The following NME7 variants were observed in gnomAD, a reference collection of about 807,000 sequenced individuals.
NME7 encodes the protein NME/NM23 family member 7, also known as nucleoside diphosphate kinase 7.
In NME7, 41 loss-of-function variants were observed where a neutral mutation model predicts 49.1. The ratio of observed to expected loss-of-function variants is 0.83; its 90% CI spans 0.65 to 1.08. NME7 has a LOEUF of 1.08. Among genes scored for constraint, NME7 ranks in the 50% least tolerant of loss-of-function variants. The pLI, the probability that NME7 is intolerant of heterozygous loss-of-function variation, is 0.00. For missense variants in NME7, 423 were observed against 463.4 expected (o/e 0.91, Z 0.80); for synonymous variants, 139 against 150.6 (o/e 0.92, Z 0.56).
chr1:169,142,396 A>C (rs956919212), intron 11 of NME7, among the ~76,000 whole-genome samples: 1 of 152,218 alleles, frequency 6.6e-6, no homozygotes, highest in Non-Finnish European at 1.5e-5. Context: ...TAATTTCTCC[A>C]TTTCTAGTCT....
chr1:169,232,893 C>T (rs1647693017), intron 9 of NME7, among the ~76,000 whole-genome samples: 12 of 135,330 alleles, frequency 8.9e-5, no homozygotes, highest in Admixed American at 1.5e-4. Context: ...CTTTTTTTTC[C>T]TTTCTGTTGT....
intron 8 of NME7, among the ~76,000 whole-genome samples, chr1:169,236,158 A>C (rs1647851722): frequency 6.6e-6 from 1 of 152,164 alleles, no homozygotes; most frequent in African/African-American, 2.4e-5. Flanking sequence ...TGTTTTGCTA[A>C]ATGCAACAAA....
chr1:169,136,852 T>A (rs1457321813), intron 11 of NME7, among the ~76,000 whole-genome samples: 1 of 152,252 alleles, frequency 6.6e-6, no homozygotes, highest in East Asian at 1.9e-4. Context: ...TTCATTAGTG[T>A]ATCAGACACT....
In NME7 at chr1:169,256,045, G is replaced by T. The variant is rs1648916384; in HGVS notation, c.755-18358C>A. Among the ~76,000 whole-genome samples, 2 of 132,334 alleles carry T rather than the reference G, an allele frequency of 1.5e-5. 1 individual carries two copies. Among genetic ancestry groups the T allele is most frequent in the Non-Finnish European group, 3.5e-5 (2 of 56,546 alleles). The allele number at this position is 132,334 out of a possible 152,430, so 86.8% of individuals were successfully genotyped here. Reference sequence around the variant, plus strand: ...GTGAATCTGACCATTATGTGTCTTGGAGTTGCTCTTCTCGAGGAGTATCTT... The same window carrying T: ...GTGAATCTGACCATTATGTGTCTTGTAGTTGCTCTTCTCGAGGAGTATCTT... On this transcript the variant is annotated intron_variant, in intron 7 of 11. Transcript: ENST00000367811.
At chr1:169,221,766 T>G (rs1230145732) in intron 10 of NME7, among the ~76,000 whole-genome samples, 1 of 151,832 alleles carries the variant, frequency 6.6e-6, no homozygotes, top group Non-Finnish European at 1.5e-5. Context: ...ACTCTGTCAG[T>G]CAGGCTGGAG....
chr1:169,158,609 TA>T (rs199883187), intron 11 of NME7, among the ~76,000 whole-genome samples: 2 of 151,820 alleles, frequency 1.3e-5, no homozygotes, highest in African/African-American at 2.4e-5. Flanking sequence ...CTTACATAGT[TA>T]AAAAAAACTC....
At chr1:169,170,563 T>C (rs1659554394) in intron 10 of NME7, among the ~76,000 whole-genome samples, 1 of 152,232 alleles carries the variant, frequency 6.6e-6, no homozygotes, top group African/African-American at 2.4e-5. Flanking sequence ...TTTTATTTCA[T>C]ATTTATTACT....
At chr1:169,311,643 C>A (rs1033906409) in intron 3 of NME7, among the ~76,000 whole-genome samples, 2 of 151,994 alleles carry the variant, frequency 1.3e-5, no homozygotes, top group African/African-American at 4.8e-5. Flanking sequence ...CTTTTTAATT[C>A]ATATTATTTA....
At position 169,132,802 on chromosome 1, in the gene NME7, TGAA is replaced by T. The variant is rs777210651; in HGVS notation, c.1111_1113del (p.Phe371del). On this transcript the variant is annotated inframe_deletion, in exon 12 of 12. Transcript: ENST00000367811. ...CCACACCACTAATTATCCAAGATCTTGAAGAAGTATTGAACCTGAAACGGAGAA... is the reference window on the plus strand; with the variant it reads ...CCACACCACTAATTATCCAAGATCTTGAAGTATTGAACCTGAAACGGAGAA... The T allele has an allele frequency of 3.1e-6, 5 of 1,613,410 alleles. No individual in the cohort carries two copies. Among genetic ancestry groups the T allele is most frequent in the Non-Finnish European group, 4.2e-6 (5 of 1,179,730 alleles).
chr1:169,305,623 A>G (rs1469244340), intron 4 of NME7, among the ~76,000 whole-genome samples: 1 of 152,168 alleles, frequency 6.6e-6, no homozygotes, highest in Non-Finnish European at 1.5e-5. Context: ...GGGATAAGGT[A>G]AAGCCTCTCT....
chr1:169,163,161 T>C (rs1456132975), intron 11 of NME7, among the ~76,000 whole-genome samples: 2 of 152,154 alleles, frequency 1.3e-5, no homozygotes, highest in Admixed American at 1.3e-4. Context: ...AAAGTAAAAC[T>C]GCCTCTCACA....
intron 7 of NME7, among the ~76,000 whole-genome samples, chr1:169,256,449 C>G (rs1299098711): frequency 7.5e-6 from 1 of 133,270 alleles, no homozygotes; most frequent in Non-Finnish European, 1.8e-5. Context: ...ATTGGTTATT[C>G]TAGTTATACA....
At chr1:169,180,641 T>C (rs2101747867) in intron 10 of NME7, among the ~76,000 whole-genome samples, 1 of 152,306 alleles carries the variant, frequency 6.6e-6, no homozygotes, top group South Asian at 2.1e-4. Context: ...AGCAATGTTG[T>C]CAAAAAGAAA....
intron 11 of NME7, among the ~76,000 whole-genome samples, chr1:169,161,502 G>C (rs1346177363): frequency 6.6e-6 from 1 of 152,124 alleles, no homozygotes; most frequent in Non-Finnish European, 1.5e-5. Flanking sequence ...TTTTCCCCCA[G>C]AGTGTACCAG....
At position 169,270,128 on chromosome 1, in the gene NME7, G is replaced by T. The variant is rs1032216483; in HGVS notation, c.754+17175C>A. Among the ~76,000 whole-genome samples, 3 of 133,726 alleles carry T rather than the reference G, an allele frequency of 2.2e-5. 1 individual carries two copies. Among genetic ancestry groups the T allele is most frequent in the Non-Finnish European group, 5.3e-5 (3 of 56,930 alleles). 87.7% of individuals were successfully genotyped at this position (133,726 alleles called of 152,430 possible). ...TTTCACAGAATAATAGAATAACTGG[G>T]TTTAAATGCTCAGATAAAACTTTAA... On this transcript the variant is annotated intron_variant, in intron 7 of 11. Coordinates refer to ENST00000367811, the MANE Select transcript of NME7 (RefSeq NM_013330.5).
chr1:169,217,823 T>C (rs1661013922), intron 10 of NME7, among the ~76,000 whole-genome samples: 2 of 152,196 alleles, frequency 1.3e-5, no homozygotes. Context: ...GGCTTCACTG[T>C]TTACTTCCTC....
chr1:169,197,629 C>T (rs1253360920), intron 10 of NME7, among the ~76,000 whole-genome samples: 1 of 152,048 alleles, frequency 6.6e-6, no homozygotes, highest in Non-Finnish European at 1.5e-5. Context: ...ATCTTTTCAA[C>T]AAATAATGTT....
chr1:169,310,307 T>C (rs922035207), intron 3 of NME7, among the ~76,000 whole-genome samples: 3 of 152,040 alleles, frequency 2.0e-5, no homozygotes, highest in African/African-American at 7.2e-5. Context: ...AGGGAGAAGC[T>C]TAGGAAAAAA....
rs1661009154 is a variant in NME7 at position 169,217,685 on chromosome 1, T to C, written c.990+13033A>G. Among the ~76,000 whole-genome samples the C allele has an allele frequency of 2.0e-5, 3 of 152,272 alleles. No homozygotes were observed. In the South Asian group the frequency reaches 6.2e-4, roughly 32 times the overall value. On this transcript the variant is annotated intron_variant, in intron 10 of 11. Coordinates refer to ENST00000367811, the MANE Select transcript of NME7 (RefSeq NM_013330.5). ...CACAACAGTAGGATAAAAAGTCATATAAGAAAAACGTCAAAGAAAGGAAAA... is the reference window on the plus strand; with the variant it reads ...CACAACAGTAGGATAAAAAGTCATACAAGAAAAACGTCAAAGAAAGGAAAA...
Sources: allele counts gnomAD v4.1 joint callset (sites outside exome capture counted in the v4.1 genomes callset), GRCh38; gene constraint gnomAD v4.1.1; transcripts MANE v1.5; gene names NCBI Gene and HGNC (gene_info 2026-07-23, HGNC 2026-07-21).